The following MAPRE1 variants were observed in gnomAD, a reference collection of about 807,000 sequenced individuals.
MAPRE1 encodes the protein microtubule-associated protein RP/EB family member 1.
A neutral mutation model predicts 32.1 loss-of-function variants in MAPRE1; 5 were observed. The observed-to-expected ratio is 0.16, with a 90% confidence interval of 0.08 to 0.33. The LOEUF is 0.33. Among genes scored for constraint, MAPRE1 ranks in the 10% least tolerant of loss-of-function variants. The pLI is 1.00. For synonymous variants in MAPRE1, 122 were observed against 118.9 expected (o/e 1.03, Z -0.17); for missense variants, 209 against 327.2 (o/e 0.64, Z 2.79).
At chr20:32,837,845 A>G (rs183794341) in intron 4 of MAPRE1, among the ~76,000 whole-genome samples, 213 of 152,322 alleles carry the variant, frequency 1.4e-3, no homozygotes, top group African/African-American at 5.0e-3. Context: ...GCGCTTTGGG[A>G]GGCTGAGGCA....
At chr20:32,842,261 A>G (rs1983386227) in intron 5 of MAPRE1, among the ~76,000 whole-genome samples, 1 of 151,918 alleles carries the variant, frequency 6.6e-6, no homozygotes, top group Admixed American at 6.6e-5. Flanking sequence ...AAGTTTTTGT[A>G]TTTTTAGTAG....
At chr20:32,833,099 G>A (rs1474794840) in intron 2 of MAPRE1, among the ~76,000 whole-genome samples, 1 of 152,062 alleles carries the variant, frequency 6.6e-6, no homozygotes, top group Non-Finnish European at 1.5e-5. Context: ...CTACTCCAGA[G>A]GCTGAGGTGG....
chr20:32,828,145 T>A (rs931424413), intron 2 of MAPRE1, among the ~76,000 whole-genome samples: 4 of 152,162 alleles, frequency 2.6e-5, no homozygotes, highest in Non-Finnish European at 5.9e-5. Flanking sequence ...TTAATTACTT[T>A]GCTGATCATA....
intron 1 of MAPRE1, among the ~76,000 whole-genome samples, chr20:32,824,039 A>G (rs146582455): frequency 0.01 from 1,559 of 152,320 alleles, 26 homozygotes; most frequent in Non-Finnish European, 0.014. Context: ...CCTTAAGCTC[A>G]ACTGTTCATC....
At chr20:32,824,402 T>TG (rs1982785139) in intron 1 of MAPRE1, among the ~76,000 whole-genome samples, 1 of 152,246 alleles carries the variant, frequency 6.6e-6, no homozygotes, top group African/African-American at 2.4e-5. Flanking sequence ...ATGTGGAGGC[T>TG]GGGGCTGGGC....
At chr20:32,828,858 A>C (rs1194538897) in intron 2 of MAPRE1, among the ~76,000 whole-genome samples, 2 of 152,090 alleles carry the variant, frequency 1.3e-5, no homozygotes, top group African/African-American at 4.8e-5. Context: ...GGATTAAACA[A>C]ATGTAAATTA....
chr20:32,825,608 A>G (rs1352918395), intron 1 of MAPRE1, among the ~76,000 whole-genome samples: 2 of 152,132 alleles, frequency 1.3e-5, no homozygotes, highest in Non-Finnish European at 2.9e-5. Context: ...CAGCCTGGCC[A>G]ACATGGTGAA....
chr20:32,848,755 G>T lies in MAPRE1; in HGVS notation c.*27G>T. 1 of 1,593,552 alleles carries T rather than the reference G, an allele frequency of 6.3e-7. No individual in the cohort carries two copies. Among genetic ancestry groups the T allele is most frequent in the Non-Finnish European group, 8.6e-7 (1 of 1,165,918 alleles). On this transcript the variant is annotated 3_prime_UTR_variant, in exon 7 of 7. Transcript: ENST00000375571. ...AGCCTGGACCAGCAGAGCAACATCGGAATTCTTCACTCCAAATCATGTGCT... is the reference window on the plus strand; with the variant it reads ...AGCCTGGACCAGCAGAGCAACATCGTAATTCTTCACTCCAAATCATGTGCT...
In MAPRE1 at chr20:32,846,665, T is replaced by C; in HGVS notation, c.645T>C (p.Asp215=). The change falls in exon 6 of 7, where the codon GAT becomes GAC. Residue 215 remains aspartate (D), a synonymous_variant. Transcript: ENST00000375571. ...LTVEDLEKER[D]FYFGKLRNIE... Reference sequence around the variant, plus strand: ...TTGAAGACTTGGAGAAAGAGAGGGATTTCTACTTCGGAAAGCTACGGAACA... The same window carrying C: ...TTGAAGACTTGGAGAAAGAGAGGGACTTCTACTTCGGAAAGCTACGGAACA... The C allele has an allele frequency of 6.2e-7, 1 of 1,614,162 alleles. No individual in the cohort carries two copies. Among genetic ancestry groups the C allele is most frequent in the Non-Finnish European group, 8.5e-7 (1 of 1,180,006 alleles).
chr20:32,826,240 A>G (rs567001999), intron 2 of MAPRE1, among the ~76,000 whole-genome samples, 192 bp downstream of exon 2: 3,116 of 129,172 alleles, frequency 0.024, 192 homozygotes, highest in African/African-American at 0.093. Context: ...TTTTTTTGAC[A>G]GAGTCTCGCT....
chr20:32,827,356 C>T (rs1490114864), intron 2 of MAPRE1, among the ~76,000 whole-genome samples: 1 of 151,696 alleles, frequency 6.6e-6, no homozygotes, highest in Non-Finnish European at 1.5e-5. Flanking sequence ...TACAGTGAGC[C>T]AAGATCGCAC....
chr20:32,823,632 G>T (rs1169467108), intron 1 of MAPRE1, among the ~76,000 whole-genome samples: 2 of 152,196 alleles, frequency 1.3e-5, no homozygotes, highest in South Asian at 2.1e-4. Context: ...AAAGTGCCTG[G>T]GTGTGGTGGC....
chr20:32,820,183 G>A (rs1408233869), intron 1 of MAPRE1, among the ~76,000 whole-genome samples, 155 bp downstream of exon 1: 1 of 149,864 alleles, frequency 6.7e-6, no homozygotes, highest in Non-Finnish European at 1.5e-5. Flanking sequence ...GCCGTCACCC[G>A]GCGCGCGCGG....
intron 1 of MAPRE1, among the ~76,000 whole-genome samples, chr20:32,824,073 A>G (rs1210114412): frequency 6.6e-6 from 1 of 152,140 alleles, no homozygotes; most frequent in Non-Finnish European, 1.5e-5. Flanking sequence ...CTCTGACCAC[A>G]TTCCGTAAAC....
In MAPRE1 at chr20:32,848,782, A is replaced by G; in HGVS notation, c.*54A>G. 1 of 1,490,764 alleles carries G rather than the reference A, an allele frequency of 6.7e-7. No individual in the cohort carries two copies. The highest frequency in any genetic ancestry group is 9.2e-7 in the Non-Finnish European group (1 of 1,081,352). 92.3% of individuals were successfully genotyped at this position (1,490,764 alleles called of 1,614,324 possible). On this transcript the variant is annotated 3_prime_UTR_variant, in exon 7 of 7. Transcript: ENST00000375571. Reference sequence around the variant, plus strand: ...ATTCTTCACTCCAAATCATGTGCTTAACTGTAAAATACTCCCTTTTGTTAT... The same window carrying G: ...ATTCTTCACTCCAAATCATGTGCTTGACTGTAAAATACTCCCTTTTGTTAT...
chr20:32,831,203 G>A (rs1983012173), intron 2 of MAPRE1, among the ~76,000 whole-genome samples: 1 of 152,028 alleles, frequency 6.6e-6, no homozygotes, highest in Admixed American at 6.6e-5. Flanking sequence ...CAGCACTTTG[G>A]GAGGCCGAAG....
intron 2 of MAPRE1, among the ~76,000 whole-genome samples, chr20:32,827,024 C>T (rs954288329): frequency 2.0e-5 from 3 of 152,124 alleles, no homozygotes. Flanking sequence ...ATTTCTTATT[C>T]CCAAGAAGTA....
intron 3 of MAPRE1, among the ~76,000 whole-genome samples, chr20:32,835,905 C>A (rs1015326947): frequency 6.6e-6 from 1 of 151,898 alleles, no homozygotes; most frequent in African/African-American, 2.4e-5. Context: ...CACGCCCGGC[C>A]CAGAATTTTC....
chr20:32,839,591 A>G (rs943243876), intron 4 of MAPRE1, 144 bp from the exon 5 acceptor site: 7 of 1,107,412 alleles, frequency 6.3e-6, no homozygotes, highest in Non-Finnish European at 9.0e-6. Flanking sequence ...GTTGTCTTGC[A>G]TGCGGGGGCT....
Sources: allele counts gnomAD v4.1 joint callset (sites outside exome capture counted in the v4.1 genomes callset), GRCh38; gene constraint gnomAD v4.1.1; transcripts MANE v1.5; gene names NCBI Gene and HGNC (gene_info 2026-07-23, HGNC 2026-07-21).